Variants in ADCY7 observed in about 807,000 individuals in gnomAD.
ADCY7 encodes the protein adenylate cyclase type 7.
A neutral mutation model predicts 120.6 loss-of-function variants in ADCY7; 72 were observed. The observed-to-expected ratio is 0.60, with a 90% CI of 0.49 to 0.73. The LOEUF (loss-of-function observed/expected upper bound fraction) is 0.73, where lower values mean the gene tolerates loss of function less well. Ranked by LOEUF, ADCY7 falls within the 30% of genes least tolerant of loss-of-function variation. The probability of loss-of-function intolerance (pLI) is 0.00; values close to 1 mark genes in which losing one functional copy is unlikely to be tolerated. For missense variants in ADCY7, 1,227 were observed against 1,486.0 expected (o/e 0.83, Z 2.87); for synonymous variants, 661 against 628.0 (o/e 1.05, Z -0.78).
chr16:50,276,898 C>T (rs1462526923), intron 1 of ADCY7, among the ~76,000 whole-genome samples: 1 of 152,116 alleles, frequency 6.6e-6, no homozygotes, highest in Admixed American at 6.5e-5. Flanking sequence ...CTGGCTAGGT[C>T]ATGCAATTTA....
Position 50,305,921 on chromosome 16 carries a change from G to A in ADCY7, c.1752+72G>A, listed in dbSNP as rs536116590. On this transcript the variant is annotated intron_variant, in intron 14 of 25. Transcript: ENST00000673801. ...GCCTGGGGTAGGGTGGGGGACGCAG[G>A]TCATGGGGCAGCCTGCGTTCCCAAG... 4.1e-6 allele frequency: 6 copies of A among 1,479,596 alleles called. No homozygotes were observed. In the East Asian group the frequency reaches 9.1e-5, roughly 22 times the overall value. The allele number at this position is 1,479,596 out of a possible 1,614,324, so 91.7% of individuals were successfully genotyped here.
chr16:50,290,884 T>A (rs2034909568), intron 3 of ADCY7, among the ~76,000 whole-genome samples: 1 of 152,104 alleles, frequency 6.6e-6, no homozygotes, highest in African/African-American at 2.4e-5. Flanking sequence ...TCCAGTTTGG[T>A]TGGAGATGAC....
chr16:50,292,691 G>A lies in ADCY7; in HGVS notation c.553G>A (p.Val185Ile). ...CTACCCGCAGCTGCTGGCCAACGCAGTCATCTTCCTGTGTGGGAACCTGAC... is the reference window on the plus strand; with the variant it reads ...CTACCCGCAGCTGCTGGCCAACGCAATCATCTTCCTGTGTGGGAACCTGAC... ...RVGLQLLANAVIFLCGNLTGA... is the reference protein window; with the variant it reads ...RVGLQLLANAIIFLCGNLTGA... The change falls in exon 5 of 26, where the codon GTC becomes ATC. Residue 185 changes from valine to isoleucine, a missense_variant. Physicochemically the swap from Val to Ile is conservative, Grantham distance 29. Coordinates refer to ENST00000673801, the MANE Select transcript of ADCY7 (RefSeq NM_001114.5). The A allele has an allele frequency of 6.2e-7, 1 of 1,613,904 alleles. No homozygotes were observed.
intron 22 of ADCY7, 70 bp downstream of exon 22, chr16:50,313,106 G>GCCAT (rs1319661834): frequency 5.7e-6 from 9 of 1,586,954 alleles, no homozygotes; most frequent in African/African-American, 1.3e-5. Context: ...GGTGGCACCT[G>GCCAT]CCATCCTAAA....
rs370789208 is a variant in ADCY7, at chr16:50,314,013, C to A, written c.2807C>A (p.Thr936Lys). ...GVEKIKTIGS[T>K]YMAAAGLSVA... is the part of the protein sequence containing the mutation. ...GAGAAGATCAAGACCATCGGCAGCA[C>A]GTACATGGCAGCTGCAGGGCTCAGC... Residue 936 changes from threonine to lysine, a missense_variant, in exon 23 of 26, where the codon ACG becomes AAG. This residue lies in a region of ADCY7 where 244 missense variants were observed against 332.8 expected (regional missense o/e 0.73). Coordinates refer to ENST00000673801, the MANE Select transcript of ADCY7 (RefSeq NM_001114.5). 2 of 1,614,062 alleles carry A rather than the reference C, an allele frequency of 1.2e-6. No individual in the cohort carries two copies. The highest frequency in any genetic ancestry group is 1.3e-5 in the African/African-American group (1 of 74,932).
At position 50,278,607 on chromosome 16, in the gene ADCY7, G is replaced by A. The variant is rs199788178; in HGVS notation, c.-268-9305G>A. Among the ~76,000 whole-genome samples, 90 of 152,134 alleles carry A rather than the reference G, an allele frequency of 5.9e-4. 2 individuals are homozygous for A. The East Asian group carries it at 0.017, about 29-fold the overall frequency. ...TATCAGTCTCTTCTTTATGGCTTTT[G>A]GGTTTTGTGTCAGGATAAAAAGGCC... is the stretch of plus-strand genomic sequence containing the variant. On this transcript the variant is annotated intron_variant, in intron 1 of 25. Transcript: ENST00000673801.
intron 1 of ADCY7, among the ~76,000 whole-genome samples, chr16:50,271,486 ACT>A (rs2033568289): frequency 6.6e-6 from 1 of 151,914 alleles, no homozygotes. Context: ...ACCTGAGCAG[ACT>A]CTGTGTTAGG....
intron 1 of ADCY7, among the ~76,000 whole-genome samples, chr16:50,267,057 TG>T (rs2033261089): frequency 6.6e-6 from 1 of 152,152 alleles, no homozygotes; most frequent in African/African-American, 2.4e-5. Context: ...CTTTTCTCAA[TG>T]AAAGGAAACA....
At chr16:50,302,381 G>A (rs978862515) in intron 10 of ADCY7, among the ~76,000 whole-genome samples, 2 of 152,182 alleles carry the variant, frequency 1.3e-5, no homozygotes, top group East Asian at 1.9e-4. Flanking sequence ...GAGTGAAGCA[G>A]AGCTCCTCAC....
chr16:50,311,898 A>G (rs2036506534), intron 20 of ADCY7, 112 bp downstream of exon 20: 5 of 1,450,984 alleles, frequency 3.4e-6, no homozygotes, highest in Admixed American at 1.8e-5. Context: ...AAAAGACTAG[A>G]GTCCTGCCAG....
chr16:50,298,927 G>C lies in ADCY7; in HGVS notation c.972G>C (p.Lys324Asn). ...AGGCCAACGAGTGCATGCGAATCAA[G>C]ATCCTCGGCGACTGCTACTACTGTG... The part of the protein sequence containing the change: ...IAKANECMRI[K>N]ILGDCYYCVS... The change falls in exon 8 of 26, where the codon AAG becomes AAC. Residue 324 changes from lysine (K) to asparagine (N), a missense_variant. Lys to Asn is a moderately conservative substitution (Grantham distance 94). Transcript: ENST00000673801. 6.2e-7 allele frequency: 1 copy of C among 1,613,960 alleles called. No individual in the cohort carries two copies. Among genetic ancestry groups the C allele is most frequent in the Non-Finnish European group, 8.5e-7 (1 of 1,179,986 alleles).
rs1380289800 is a variant in ADCY7, at chr16:50,297,666, G to C, written c.949-1238G>C. On this transcript the variant is annotated intron_variant, in intron 7 of 25. Transcript: ENST00000673801. This position sits in a 1 kb window ranked among gnomAD's most constrained non-coding sequence, Gnocchi z 4.4. Reference sequence around the variant, plus strand: ...GGGACCTGGAGGCAGGGCTGGTGCTGTGTCTGGGGCCTGGGTCTGTGATGG... The same window carrying C: ...GGGACCTGGAGGCAGGGCTGGTGCTCTGTCTGGGGCCTGGGTCTGTGATGG... Among the ~76,000 whole-genome samples the C allele has an allele frequency of 1.3e-5, 2 of 152,248 alleles. No individual in the cohort carries two copies.
chr16:50,309,686 T>C (rs1329219767), intron 18 of ADCY7, 40 bp downstream of exon 18: 6 of 1,554,988 alleles, frequency 3.9e-6, no homozygotes, highest in African/African-American at 1.4e-5. Context: ...TCATTCAGAG[T>C]GGGGCTGCTG....
At chr16:50,295,790 G>T (rs1205332538) in intron 7 of ADCY7, among the ~76,000 whole-genome samples, 1 of 152,122 alleles carries the variant, frequency 6.6e-6, no homozygotes, top group Non-Finnish European at 1.5e-5. Context: ...CTGAGAGAGG[G>T]TAAGTGCCAG....
intron 2 of ADCY7, chr16:50,289,244 C>G (rs966467235): frequency 2.9e-5 from 11 of 375,450 alleles, no homozygotes; most frequent in Non-Finnish European, 5.3e-5. Flanking sequence ...CTATGTTGCC[C>G]AGGCTGGTCT....
chr16:50,309,431 C>T lies in ADCY7; in HGVS notation c.2062-117C>T, dbSNP rs2036299500. ...CTTGAGCCGTGCTCAGAGCTGATCCCAACGTGAAACCTCAGGCTGCTGTGA... is the reference window on the plus strand; with the variant it reads ...CTTGAGCCGTGCTCAGAGCTGATCCTAACGTGAAACCTCAGGCTGCTGTGA... On this transcript the variant is annotated intron_variant, in intron 17 of 25. Transcript: ENST00000673801. 6.2e-6 allele frequency: 5 copies of T among 803,624 alleles called. No homozygotes were observed. In the Admixed American group the frequency reaches 1.2e-4, roughly 19 times the overall value. 49.8% of individuals were successfully genotyped at this position (803,624 alleles called of 1,614,324 possible).
In ADCY7 at chr16:50,315,539, C is replaced by G. The variant is rs1407641272; in HGVS notation, c.*34C>G. The G allele has an allele frequency of 1.3e-6, 2 of 1,594,388 alleles. No individual in the cohort carries two copies. The highest frequency in any genetic ancestry group is 1.7e-6 in the Non-Finnish European group (2 of 1,163,762). On this transcript the variant is annotated 3_prime_UTR_variant, in exon 26 of 26. Transcript: ENST00000673801. ...GCTGGATTCCGAAAAGGCCGGGAAG[C>G]CAGTCTCCTTCCCTGAAGCAAGCCC... is the stretch of plus-strand genomic sequence containing the variant.
At chr16:50,304,248 C>A in intron 10 of ADCY7, 112 bp from the exon 11 acceptor site, 1 of 1,091,746 alleles carries the variant, frequency 9.2e-7, no homozygotes, top group Non-Finnish European at 1.2e-6. Context: ...TTTATTTTTT[C>A]ACGGGCTCAG....
chr16:50,265,367 CCTG>C (rs72146751), upstream of ADCY7, among the ~76,000 whole-genome samples: 58,879 of 151,738 alleles, frequency 0.39, 12,001 homozygotes, highest in East Asian at 0.64. Context: ...AGCCTGGAAC[CCTG>C]TGTGAGTCCT....
Sources: gnomAD v4.1 joint callset for allele counts (sites outside exome capture counted in the v4.1 genomes callset) on GRCh38, gnomAD v4.1.1 for gene constraint, gnomAD v4.1.1 regional missense constraint, Gnocchi (gnomAD v3.1) non-coding constraint, MANE v1.5 for transcripts, NCBI Gene and HGNC (gene_info 2026-07-23, HGNC 2026-07-21) for gene names.